The following TANGO6 variants were observed in gnomAD, a reference collection of about 807,000 sequenced individuals.
TANGO6 encodes the protein transport and golgi organization 6 homolog.
A neutral mutation model predicts 114.2 loss-of-function variants in TANGO6; 90 were observed. That is an observed-to-expected ratio of 0.79 (90% CI 0.66 to 0.94). The LOEUF (loss-of-function observed/expected upper bound fraction) is 0.94. Among genes scored for constraint, TANGO6 ranks in the 40% least tolerant of loss-of-function variants. The pLI, the probability that TANGO6 is intolerant of heterozygous loss-of-function variation, is 0.00. For missense variants in TANGO6, 1,274 were observed against 1,315.3 expected (o/e 0.97, Z 0.49); for synonymous variants, 477 against 509.8 (o/e 0.94, Z 0.87).
chr16:68,892,421 A>T (rs182370376), intron 7 of TANGO6, among the ~76,000 whole-genome samples: 248 of 152,060 alleles, frequency 1.6e-3, no homozygotes, highest in African/African-American at 5.9e-3. Context: ...ATCTGTTTTC[A>T]TTGATCCACA....
At chr16:68,889,737 T>C (rs2152175388) in intron 7 of TANGO6, among the ~76,000 whole-genome samples, 1 of 152,298 alleles carries the variant, frequency 6.6e-6, no homozygotes, top group East Asian at 1.9e-4. Context: ...CAGACCTAGG[T>C]TGGAATCTGG....
chr16:68,963,587 A>G (rs1327631448), intron 14 of TANGO6, among the ~76,000 whole-genome samples: 2 of 152,230 alleles, frequency 1.3e-5, no homozygotes, highest in East Asian at 3.8e-4. Context: ...CACTTTCTAC[A>G]TGTTAGATGT....
intron 15 of TANGO6, among the ~76,000 whole-genome samples, chr16:69,015,772 A>G (rs1490426497): frequency 6.6e-6 from 1 of 151,972 alleles, no homozygotes; most frequent in Non-Finnish European, 1.5e-5. Context: ...GAGCCACCGC[A>G]CCTGGCCAAT....
At chr16:69,030,806 C>G (rs1488744068) in intron 16 of TANGO6, among the ~76,000 whole-genome samples, 1 of 151,872 alleles carries the variant, frequency 6.6e-6, no homozygotes, top group Non-Finnish European at 1.5e-5. Flanking sequence ...AATCCCAGCA[C>G]TTTAGGAGGC....
chr16:68,898,129 C>T (rs1179899390), intron 7 of TANGO6, among the ~76,000 whole-genome samples: 1 of 151,974 alleles, frequency 6.6e-6, no homozygotes, highest in African/African-American at 2.4e-5. Flanking sequence ...AACAATAGGT[C>T]TTTACGTTAT....
At chr16:68,985,530 C>T (rs1346909871) in intron 15 of TANGO6, among the ~76,000 whole-genome samples, 2 of 151,954 alleles carry the variant, frequency 1.3e-5, no homozygotes, top group Admixed American at 6.6e-5. Context: ...GACAACATGA[C>T]GAAACCCCAT....
At chr16:69,004,274 T>G (rs1052279971) in intron 15 of TANGO6, among the ~76,000 whole-genome samples, 4 of 152,182 alleles carry the variant, frequency 2.6e-5, no homozygotes, top group African/African-American at 9.6e-5. Flanking sequence ...CCAATAGCTT[T>G]TATCTTGAAA....
intron 15 of TANGO6, among the ~76,000 whole-genome samples, chr16:68,992,328 C>T (rs1182275657): frequency 2.0e-5 from 3 of 152,072 alleles, no homozygotes; most frequent in African/African-American, 4.8e-5. Flanking sequence ...GTTTTGATCT[C>T]GACTCTAACC....
rs562002205 is a variant in TANGO6 at position 69,009,052 on chromosome 16, A to G, written c.2843-13776A>G. ...CATTCTTGTTAAAAACCAATTGAAC[A>G]TAAACAGGAGAGTTTATTTCTTTTT... is the stretch of plus-strand genomic sequence containing the variant. On this transcript the variant is annotated intron_variant, in intron 15 of 17. Transcript: ENST00000261778. Among the ~76,000 whole-genome samples the G allele has an allele frequency of 7.4e-5, 11 of 149,120 alleles. No homozygotes were observed. In the South Asian group the frequency reaches 2.1e-3, roughly 29 times the overall value.
intron 15 of TANGO6, among the ~76,000 whole-genome samples, chr16:68,975,447 G>A (rs1056537580): frequency 2.0e-5 from 3 of 151,588 alleles, no homozygotes; most frequent in Admixed American, 6.6e-5. Context: ...TCTCAAACTC[G>A]TGGACTCAAG....
chr16:68,945,893 C>T (rs868067937), intron 14 of TANGO6, among the ~76,000 whole-genome samples: 35 of 152,274 alleles, frequency 2.3e-4, no homozygotes, highest in Middle Eastern at 6.8e-3. Context: ...GCCATGTTGG[C>T]CAGGCTGGTC....
At position 68,843,663 on chromosome 16, in the gene TANGO6, G is replaced by A. The variant is rs748843130; in HGVS notation, c.46G>A (p.Gly16Ser). ...GGGCAGCGGGGCTCAGGAGACATGC[G>A]GTCTGGATCGGATTTTGGAGGCATT... ...AVGSGAQETC[G>S]LDRILEALKL... The change falls in exon 1 of 18, where the codon GGT (glycine) becomes AGT (serine). Residue 16 changes from glycine (G) to serine (S), a missense_variant. This residue lies in a region of TANGO6 where 114 missense variants were observed against 104.6 expected (regional missense o/e 1.09). Coordinates refer to ENST00000261778, the MANE Select transcript of TANGO6 (RefSeq NM_024562.2). The A allele has an allele frequency of 6.2e-7, 1 of 1,613,772 alleles. No individual in the cohort carries two copies. The highest frequency in any genetic ancestry group is 1.7e-5 in the Admixed American group (1 of 60,028).
intron 11 of TANGO6, among the ~76,000 whole-genome samples, chr16:68,912,973 G>A (rs976299094): frequency 1.3e-5 from 2 of 150,946 alleles, no homozygotes; most frequent in Admixed American, 6.6e-5. Context: ...CCAGCTATTC[G>A]GAAGGCTGAG....
chr16:69,047,049 T>G (rs371240332), intron 17 of TANGO6, among the ~76,000 whole-genome samples: 2 of 150,450 alleles, frequency 1.3e-5, no homozygotes, highest in South Asian at 4.2e-4. Context: ...GGCGTGGTGG[T>G]CCGTGCCTAT....
intron 15 of TANGO6, among the ~76,000 whole-genome samples, chr16:69,009,570 C>G (rs1206278670): frequency 6.6e-6 from 1 of 152,168 alleles, no homozygotes; most frequent in East Asian, 1.9e-4. Flanking sequence ...CCAATTTCTG[C>G]AACAACAGCA....
intron 17 of TANGO6, among the ~76,000 whole-genome samples, chr16:69,068,752 C>T (rs1284288460): frequency 1.3e-5 from 2 of 152,122 alleles, no homozygotes; most frequent in African/African-American, 2.4e-5. Context: ...TCGCTCTTGT[C>T]GCCCAGGCTG....
intron 15 of TANGO6, among the ~76,000 whole-genome samples, chr16:69,002,351 C>G (rs1018832502): frequency 6.6e-6 from 1 of 152,114 alleles, no homozygotes; most frequent in African/African-American, 2.4e-5. Flanking sequence ...TCTGTGCCCC[C>G]ACCCAAATCT....
intron 2 of TANGO6, among the ~76,000 whole-genome samples, chr16:68,862,142 A>T (rs1019603426): frequency 5.3e-5 from 8 of 151,570 alleles, no homozygotes; most frequent in South Asian, 4.2e-4. Context: ...GGTTCAAAAG[A>T]TTCTCCTGCC....
chr16:68,911,661 C>T, intron 11 of TANGO6, among the ~76,000 whole-genome samples: 1 of 152,102 alleles, frequency 6.6e-6, no homozygotes, highest in East Asian at 1.9e-4. Flanking sequence ...AAGCAATCCA[C>T]CTGTCTCGGC....
Sources: gnomAD v4.1 joint callset for allele counts (sites outside exome capture counted in the v4.1 genomes callset) on GRCh38, gnomAD v4.1.1 for gene constraint, gnomAD v4.1.1 regional missense constraint, MANE v1.5 for transcripts, NCBI Gene and HGNC (gene_info 2026-07-23, HGNC 2026-07-21) for gene names.